SHTN1: variants seen among roughly 807,000 people sequenced by gnomAD.
SHTN1 encodes the protein shootin-1.
In SHTN1, 42 loss-of-function variants were observed where a neutral mutation model predicts 83.1. That is an observed-to-expected ratio of 0.51 (90% CI 0.39 to 0.65). SHTN1 has a LOEUF of 0.65. SHTN1 is among the 30% of genes least tolerant of loss of function. The pLI is 0.00. For missense variants in SHTN1, 622 were observed against 737.8 expected (o/e 0.84, Z 1.82); for synonymous variants, 224 against 247.7 (o/e 0.90, Z 0.90).
intron 2 of SHTN1, among the ~76,000 whole-genome samples, chr10:116,974,481 A>T (rs772066513): frequency 1.3e-5 from 2 of 152,166 alleles, no homozygotes; most frequent in African/African-American, 2.4e-5. Flanking sequence ...TAGACAACTG[A>T]GCCAAGATGC....
intron 3 of SHTN1, 147 bp downstream of exon 3, chr10:116,968,505 C>A (rs747226752): frequency 1.8e-6 from 1 of 560,294 alleles, no homozygotes; most frequent in Non-Finnish European, 3.1e-6. Flanking sequence ...TAAAGTGATG[C>A]CTGGGCATGT....
intron 1 of SHTN1, among the ~76,000 whole-genome samples, chr10:117,062,413 G>A (rs920740450): frequency 1.3e-5 from 2 of 152,118 alleles, no homozygotes; most frequent in Non-Finnish European, 2.9e-5. Flanking sequence ...TAAGAAATTG[G>A]ACATCAATGA....
Position 116,915,439 on chromosome 10 carries a change from A to G in SHTN1, c.1241T>C (p.Met414Thr). The change falls in exon 13 of 17, where the codon ATG (methionine) becomes ACG (threonine). Residue 414 changes from methionine (M) to threonine (T), a missense_variant. Transcript: ENST00000355371. ...DLKRQAVEEMMDRIKKGVHLR... is the reference protein window; with the variant it reads ...DLKRQAVEEMTDRIKKGVHLR... ...ATGAACTCCCTTTTTAATTCTATCC[A>G]TCATCTCTTCAACTGCTTGCCTCTT... 6.2e-7 allele frequency: 1 copy of G among 1,612,306 alleles called. No individual in the cohort carries two copies.
At chr10:116,985,809 A>G (rs1851199350) in intron 1 of SHTN1, among the ~76,000 whole-genome samples, 1 of 152,214 alleles carries the variant, frequency 6.6e-6, no homozygotes, top group African/African-American at 2.4e-5. Flanking sequence ...ATGAGTCACA[A>G]AAGATAGTGT....
intron 1 of SHTN1, among the ~76,000 whole-genome samples, chr10:116,980,858 G>A (rs1270989479): frequency 2.0e-5 from 3 of 152,266 alleles, no homozygotes; most frequent in East Asian, 1.9e-4. Flanking sequence ...TTAAATTGGC[G>A]AATATTTATG....
intron 1 of SHTN1, among the ~76,000 whole-genome samples, chr10:117,001,745 G>A (rs988776384): frequency 6.6e-5 from 10 of 152,146 alleles, no homozygotes. Flanking sequence ...GACTTGAAAT[G>A]TTCTCAACTC....
At chr10:116,929,496 C>T (rs1054403211) in intron 10 of SHTN1, among the ~76,000 whole-genome samples, 5 of 152,220 alleles carry the variant, frequency 3.3e-5, no homozygotes, top group Middle Eastern at 3.4e-3. Flanking sequence ...TCTAAAAATG[C>T]ACTCTAAGTG....
chr10:116,970,465 C>T (rs565393774), intron 2 of SHTN1, among the ~76,000 whole-genome samples: 4 of 152,212 alleles, frequency 2.6e-5, no homozygotes, highest in African/African-American at 7.2e-5. Flanking sequence ...TCGGTAATCC[C>T]AGCACTTTGG....
chr10:116,893,648 G>A (rs945566187), intron 16 of SHTN1, among the ~76,000 whole-genome samples: 2 of 147,588 alleles, frequency 1.4e-5, no homozygotes, highest in African/African-American at 2.5e-5. Flanking sequence ...GGGGGTGGGA[G>A]TATCTATCAG....
At chr10:117,026,910 G>C (rs180731093) in intron 2 of SHTN1, among the ~76,000 whole-genome samples, 52 of 152,212 alleles carry the variant, frequency 3.4e-4, no homozygotes, top group African/African-American at 1.2e-3. Flanking sequence ...CAGGGAGTGG[G>C]TGTAGCAGAC....
chr10:117,114,225 G>T (rs565394998), intron 1 of SHTN1, among the ~76,000 whole-genome samples: 188 of 152,244 alleles, frequency 1.2e-3, no homozygotes, highest in Admixed American at 2.7e-3. Flanking sequence ...AAAAAAAGAA[G>T]AACATAGCTT....
intron 1 of SHTN1, among the ~76,000 whole-genome samples, chr10:117,090,871 G>A (rs1349241650): frequency 6.6e-6 from 1 of 151,984 alleles, no homozygotes; most frequent in Non-Finnish European, 1.5e-5. Flanking sequence ...GGATAGAGAA[G>A]GGGAAGAAGA....
At chr10:116,932,561 G>A (rs770145931) in intron 9 of SHTN1, among the ~76,000 whole-genome samples, 1 of 152,122 alleles carries the variant, frequency 6.6e-6, no homozygotes, top group Non-Finnish European at 1.5e-5. Flanking sequence ...AGAGTATACT[G>A]TATTTCCAGT....
intron 14 of SHTN1, chr10:116,907,835 A>T (rs2531690): frequency 2.2e-5 from 11 of 509,366 alleles, no homozygotes; most frequent in Non-Finnish European, 4.3e-5. Flanking sequence ...TTGTCCACCA[A>T]GGCTAATAAT....
chr10:116,901,267 AAG>A, intron 16 of SHTN1: 1 of 985,330 alleles, frequency 1.0e-6, no homozygotes, highest in Non-Finnish European at 1.2e-6. Context: ...ACTCTGAAGC[AAG>A]TCTATACAGA....
intron 1 of SHTN1, among the ~76,000 whole-genome samples, chr10:117,002,005 C>T (rs532336184): frequency 1.1e-4 from 17 of 152,212 alleles, no homozygotes; most frequent in Middle Eastern, 3.4e-3. Flanking sequence ...ACATTCTGCC[C>T]ATTAGATTGG....
At chr10:117,074,781 C>T (rs1222878180) in intron 1 of SHTN1, among the ~76,000 whole-genome samples, 1 of 152,098 alleles carries the variant, frequency 6.6e-6, no homozygotes, top group East Asian at 1.9e-4. Flanking sequence ...CTTGGACAGA[C>T]AAAAGAAGTC....
Position 116,885,568 on chromosome 10 carries a change from G to A in SHTN1, c.*776C>T, listed in dbSNP as rs1847141129. 2 of 152,562 alleles carry A rather than the reference G, an allele frequency of 1.3e-5. No individual in the cohort carries two copies. Among genetic ancestry groups the A allele is most frequent in the Non-Finnish European group, 2.9e-5 (2 of 68,030 alleles). 9.5% of individuals were successfully genotyped at this position (152,562 alleles called of 1,614,324 possible). ...AGAACTCTGATAAAATATGGTACTT[G>A]TGCCACATTAGTATTTGGGAAAACA... On this transcript the variant is annotated 3_prime_UTR_variant, in exon 17 of 17. Transcript: ENST00000355371.
intron 1 of SHTN1, among the ~76,000 whole-genome samples, chr10:117,110,243 T>C (rs906834790): frequency 5.3e-5 from 8 of 152,246 alleles, no homozygotes; most frequent in South Asian, 2.1e-4. Context: ...AACTGGCTTA[T>C]TGTAATCCTC....
Sources: gnomAD v4.1 joint callset for allele counts (sites outside exome capture counted in the v4.1 genomes callset) on GRCh38, gnomAD v4.1.1 for gene constraint, MANE v1.5 for transcripts, NCBI Gene and HGNC (gene_info 2026-07-23, HGNC 2026-07-21) for gene names.